The following SERPINB8 variants were observed in gnomAD, a reference collection of about 807,000 sequenced individuals.
SERPINB8 encodes the protein serpin B8.
In SERPINB8, 25 loss-of-function variants were observed where a neutral mutation model predicts 35.3. That is an observed-to-expected ratio of 0.71 (90% CI 0.52 to 0.99). SERPINB8 has a LOEUF of 0.99. SERPINB8 is among the 50% of genes least tolerant of loss of function. The probability of loss-of-function intolerance (pLI) is 0.00; values close to 1 mark genes in which losing one functional copy is unlikely to be tolerated. For missense variants in SERPINB8, 484 were observed against 446.5 expected (o/e 1.08, Z -0.76); for synonymous variants, 186 against 160.8 (o/e 1.16, Z -1.19).
At chr18:63,986,522 CA>C in intron 6 of SERPINB8, 4 of 1,348,658 alleles carry the variant, frequency 3.0e-6, no homozygotes, top group Non-Finnish European at 3.8e-6. Flanking sequence ...CTCTCCCACT[CA>C]CAGTAGTATG....
At chr18:63,972,604 A>C (rs146379007) in intron 1 of SERPINB8, among the ~76,000 whole-genome samples, 73 of 152,250 alleles carry the variant, frequency 4.8e-4, no homozygotes, top group Non-Finnish European at 7.8e-4. Flanking sequence ...AGTCATTTAC[A>C]TTAGGTATTT....
downstream of SERPINB8, among the ~76,000 whole-genome samples, chr18:63,991,093 T>C: frequency 6.6e-6 from 1 of 152,244 alleles, no homozygotes; most frequent in Non-Finnish European, 1.5e-5. Context: ...TATCTTGATG[T>C]CAATTCCACA....
chr18:64,011,829 G>T (rs1224557145), intron 7 of SERPINB8, among the ~76,000 whole-genome samples: 1 of 152,100 alleles, frequency 6.6e-6, no homozygotes. Flanking sequence ...GACTAAGAAA[G>T]GCAGCCACCC....
In SERPINB8 at chr18:64,005,097, A is replaced by G. The variant is rs1402883761; in HGVS notation, c.*219A>G. On this transcript the variant is annotated 3_prime_UTR_variant, in exon 2 of 2. Transcript: ENST00000493661. ...ACATTCAAATGTCCAAGAAGGAAAT[A>G]TAAAAGGATTTGGTTATGGTAGTTA... 3.1e-4 allele frequency: 116 copies of G among 369,474 alleles called. 1 individual carries two copies. The East Asian group carries it at 4.3e-3, about 14-fold the overall frequency. 22.9% of individuals were successfully genotyped at this position (369,474 alleles called of 1,614,324 possible).
intron 5 of SERPINB8, among the ~76,000 whole-genome samples, chr18:63,984,677 G>A (rs1270686330): frequency 6.6e-6 from 1 of 152,180 alleles, no homozygotes; most frequent in Admixed American, 6.5e-5. Flanking sequence ...CTACAACAAG[G>A]CAACTTTCCA....
intron 1 of SERPINB8, among the ~76,000 whole-genome samples, chr18:63,973,120 G>C (rs1326784118): frequency 6.6e-6 from 1 of 152,194 alleles, no homozygotes; most frequent in African/African-American, 2.4e-5. Flanking sequence ...GTTTAAAAGT[G>C]TTCCTTTTTC....
rs748798497 is a variant in SERPINB8 at position 63,986,648 on chromosome 18, G to T, written c.721-226G>T. The T allele has an allele frequency of 3.0e-6, 4 of 1,333,554 alleles. No homozygotes were observed. The African/African-American group carries it at 6.0e-5, about 20-fold the overall frequency. The allele number at this position is 1,333,554 out of a possible 1,614,324, so 82.6% of individuals were successfully genotyped here. On this transcript the variant is annotated intron_variant, in intron 6 of 6. Coordinates refer to ENST00000397985, the MANE Select transcript of SERPINB8 (RefSeq NM_002640.4). ...TTGTTTTTATTAAAAATTTCTGCCT[G>T]TCTCAGGTGTTTACTAGCTCTTTTA... is the stretch of plus-strand genomic sequence containing the variant.
downstream of SERPINB8, among the ~76,000 whole-genome samples, chr18:63,991,537 A>T (rs887076634): frequency 1.3e-5 from 2 of 151,866 alleles, no homozygotes; most frequent in African/African-American, 2.4e-5. Context: ...TGGAAATATA[A>T]TACAGGTTTT....
chr18:64,006,449 G>A (rs2050900349), downstream of SERPINB8, among the ~76,000 whole-genome samples: 1 of 152,142 alleles, frequency 6.6e-6, no homozygotes, highest in African/African-American at 2.4e-5. Flanking sequence ...AAAGAAGAGA[G>A]ACTAACACAC....
chr18:63,976,205 T>C (rs1238825311), intron 1 of SERPINB8, among the ~76,000 whole-genome samples: 1 of 152,216 alleles, frequency 6.6e-6, no homozygotes, highest in Non-Finnish European at 1.5e-5. Context: ...GATAATGATT[T>C]GTCCTTTTAT....
chr18:64,005,930 G>A (rs1036555661), downstream of SERPINB8, among the ~76,000 whole-genome samples: 2 of 152,100 alleles, frequency 1.3e-5, no homozygotes, highest in African/African-American at 4.8e-5. Flanking sequence ...CTTCAAGCAA[G>A]GTGCCCGCTG....
intron 1 of SERPINB8, among the ~76,000 whole-genome samples, chr18:64,001,120 T>G (rs1236875596): frequency 6.6e-6 from 1 of 152,262 alleles, no homozygotes; most frequent in Non-Finnish European, 1.5e-5. Context: ...ACATTTTACC[T>G]TCATTTACTT....
At position 63,989,319 on chromosome 18, in the gene SERPINB8, T is replaced by C. The variant is rs573458137; in HGVS notation, c.*2041T>C. ...TTTACCTGTTGATGAACATTTACGT[T>C]GTTACCAAGATTTTTGCTATTGAAA... is the stretch of plus-strand genomic sequence containing the variant. On this transcript the variant is annotated 3_prime_UTR_variant, in exon 7 of 7. Coordinates refer to ENST00000397985, the MANE Select transcript of SERPINB8 (RefSeq NM_002640.4). 1 of 152,364 alleles carries C rather than the reference T, an allele frequency of 6.6e-6. No individual in the cohort carries two copies. Among genetic ancestry groups the C allele is most frequent in the East Asian group, 1.9e-4 (1 of 5,192 alleles). 9.4% of individuals were successfully genotyped at this position (152,364 alleles called of 1,614,324 possible). A position where few individuals can be genotyped will look rare whatever the true frequency, so the allele number is the denominator to read the frequency against.
chr18:64,003,789 G>C (rs1268192772), intron 1 of SERPINB8, among the ~76,000 whole-genome samples: 1 of 152,070 alleles, frequency 6.6e-6, no homozygotes, highest in African/African-American at 2.4e-5. Flanking sequence ...ACATTTTGTT[G>C]TATGCAGGCC....
chr18:63,995,698 TAG>T (rs2050845886), intron 1 of SERPINB8, among the ~76,000 whole-genome samples: 3 of 152,178 alleles, frequency 2.0e-5, no homozygotes, highest in Admixed American at 2.0e-4. Flanking sequence ...CCACCTGCTT[TAG>T]AGAGGAAAAA....
intron 1 of SERPINB8, among the ~76,000 whole-genome samples, chr18:63,971,895 C>G (rs1281767622): frequency 6.6e-6 from 1 of 152,208 alleles, no homozygotes. Context: ...AAACCATGCC[C>G]TTTGTCTTCC....
In SERPINB8 at chr18:63,987,316, A is replaced by G. The variant is rs372421454; in HGVS notation, c.*38A>G. The G allele has an allele frequency of 1.0e-5, 16 of 1,559,868 alleles. No individual in the cohort carries two copies. Among genetic ancestry groups the G allele is most frequent in the Non-Finnish European group, 1.4e-5 (16 of 1,153,276 alleles). On this transcript the variant is annotated 3_prime_UTR_variant, in exon 7 of 7. Transcript: ENST00000397985. ...GCTGTACATACCCTCCTTTCCTTCT[A>G]CCTATCTTGCCTTAATTAACATTCC...
At chr18:64,018,653 G>A (rs2050961345) in intron 7 of SERPINB8, among the ~76,000 whole-genome samples, 1 of 152,098 alleles carries the variant, frequency 6.6e-6, no homozygotes, top group African/African-American at 2.4e-5. Context: ...CGACTCTTAT[G>A]AGGCAGAGGG....
At position 63,981,762 on chromosome 18, in the gene SERPINB8, G is replaced by A; in HGVS notation, c.348G>A (p.Leu116=). 1 of 1,613,922 alleles carries A rather than the reference G, an allele frequency of 6.2e-7. No homozygotes were observed. Among genetic ancestry groups the A allele is most frequent in the Non-Finnish European group, 8.5e-7 (1 of 1,179,822 alleles). ...EYCQKFYQAE[L]EELSFAEDTE... ...GTCAGAAGTTCTATCAGGCAGAGCT[G>A]GAGGAGTTGTCCTTTGCTGAAGACA... Residue 116 remains leucine (L), a synonymous_variant, in exon 4 of 7, where the codon CTG becomes CTA. Transcript: ENST00000397985.
Sources: gnomAD v4.1 joint callset for allele counts (sites outside exome capture counted in the v4.1 genomes callset) on GRCh38, gnomAD v4.1.1 for gene constraint, MANE v1.5 for transcripts, NCBI Gene and HGNC (gene_info 2026-07-23, HGNC 2026-07-21) for gene names.